KLRC1: variants seen among roughly 807,000 people sequenced by gnomAD.
KLRC1 encodes NKG2-A/NKG2-B type II integral membrane protein.
KLRC1 carries 22 observed loss-of-function variants against 25.9 expected under a neutral mutation model. The ratio of observed to expected loss-of-function variants is 0.85; its 90% confidence interval spans 0.61 to 1.21. KLRC1 has a LOEUF of 1.21. Among genes scored for constraint, KLRC1 ranks in the 50% most tolerant of loss-of-function variants. The pLI is 0.00. For synonymous variants in KLRC1, 77 were observed against 93.1 expected (o/e 0.83, Z 0.99); for missense variants, 240 against 272.2 (o/e 0.88, Z 0.83).
Position 10,446,542 on chromosome 12 carries a change from G to A in KLRC1, c.*9C>T, listed in dbSNP as rs372615172. On this transcript the variant is annotated 3_prime_UTR_variant, in exon 7 of 7. Coordinates refer to ENST00000359151, the MANE Select transcript of KLRC1 (RefSeq NM_002259.5). ...TATCTGATGCACTGCAAATGCAAACGCTTTACCTCTAAAGCTTATGCTTAC... is the reference window on the plus strand; with the variant it reads ...TATCTGATGCACTGCAAATGCAAACACTTTACCTCTAAAGCTTATGCTTAC... 119 of 1,608,930 alleles carry A rather than the reference G, an allele frequency of 7.4e-5. 1 individual carries two copies. Among genetic ancestry groups the A allele is most frequent in the Non-Finnish European group, 9.9e-5 (117 of 1,177,324 alleles).
At chr12:10,445,450 C>A (rs1282334164), downstream of KLRC1, among the ~76,000 whole-genome samples, 1 of 151,972 alleles carries the variant, frequency 6.6e-6, no homozygotes, top group Middle Eastern at 3.2e-3. Context: ...ATGAAAACAA[C>A]ACCAAGCTTT....
chr12:10,448,450 G>A (rs778758009), intron 5 of KLRC1, among the ~76,000 whole-genome samples: 1 of 152,276 alleles, frequency 6.6e-6, no homozygotes, highest in South Asian at 2.1e-4. Flanking sequence ...GATCTACCAG[G>A]AGACTTGCTA....
intron 6 of KLRC1, chr12:10,447,222 C>CT (rs970868982): frequency 9.5e-5 from 20 of 210,812 alleles, no homozygotes; most frequent in Admixed American, 2.1e-4. Flanking sequence ...TTTTTTTTTT[C>CT]TTTTTTTTGC....
intron 6 of KLRC1, chr12:10,447,159 G>A: frequency 5.1e-6 from 1 of 197,912 alleles, no homozygotes. Context: ...ACCCAGGACA[G>A]CTTCAAATGC....
At chr12:10,451,248 T>A in intron 1 of KLRC1, 61 bp from the exon 2 acceptor site, 1 of 974,658 alleles carries the variant, frequency 1.0e-6, no homozygotes, top group Admixed American at 3.4e-5. Flanking sequence ...CCTAGTGCAA[T>A]TAAAAGGGTG....
In KLRC1 at chr12:10,448,971, C is replaced by T. The variant is rs190697289; in HGVS notation, c.489+266G>A. Among the ~76,000 whole-genome samples the T allele has an allele frequency of 5.6e-3, 856 of 151,954 alleles. 8 individuals carry two copies. The highest frequency in any genetic ancestry group is 0.012 in the Admixed American group (187 of 15,254). ...CTGCATGACCAGATCACATCATGCC[C>T]GATAAAATTAGATAGCAAAATGTAT... On this transcript the variant is annotated intron_variant, in intron 5 of 6. Coordinates refer to ENST00000359151, the MANE Select transcript of KLRC1 (RefSeq NM_002259.5).
chr12:10,448,186 A>G (rs989825487), intron 5 of KLRC1, among the ~76,000 whole-genome samples: 1 of 152,206 alleles, frequency 6.6e-6, no homozygotes, highest in African/African-American at 2.4e-5. Context: ...TTAATGAAAG[A>G]CAAAAGCAAT....
rs139780190 is a variant in KLRC1, at chr12:10,449,305, C to G, written c.421G>C (p.Glu141Gln). The G allele has an allele frequency of 8.1e-6, 13 of 1,613,850 alleles. No homozygotes were observed. The highest frequency in any genetic ancestry group is 1.1e-5 in the Non-Finnish European group (13 of 1,179,848). The part of the protein sequence containing the change: ...YYIGKERRTW[E>Q]ESLLACTSKN... The stretch of plus-strand genomic sequence containing the variant: ...GAAGTACAGGCCAGCAAACTCTCTT[C>G]CCAAGTTCTTCTTTCCTTACCAATG... Residue 141 changes from glutamate (E) to glutamine (Q), a missense_variant, in exon 5 of 7, where the codon GAA becomes CAA. Coordinates refer to ENST00000359151, the MANE Select transcript of KLRC1 (RefSeq NM_002259.5).
intron 4 of KLRC1, 51 bp from the exon 5 acceptor site, chr12:10,449,439 G>C: frequency 6.3e-7 from 1 of 1,593,382 alleles, no homozygotes; most frequent in Non-Finnish European, 8.5e-7. Flanking sequence ...TTTTAAAAAT[G>C]AAAATTAGTT....
chr12:10,449,818 T>G, intron 4 of KLRC1, 96 bp downstream of exon 4: 2 of 1,042,500 alleles, frequency 1.9e-6, no homozygotes, highest in Non-Finnish European at 2.6e-6. Context: ...TATTGCCAAA[T>G]TTTATAATTT....
At chr12:10,448,884 C>T (rs1345476653) in intron 5 of KLRC1, among the ~76,000 whole-genome samples, 1 of 152,108 alleles carries the variant, frequency 6.6e-6, no homozygotes, top group Non-Finnish European at 1.5e-5. Flanking sequence ...ACTACTAGAG[C>T]TGGAAACTTT....
At chr12:10,453,850 T>C (rs3809215), upstream of KLRC1, among the ~76,000 whole-genome samples, 10,028 of 152,190 alleles carry the variant, frequency 0.066, 675 homozygotes, top group South Asian at 0.24. Flanking sequence ...TATTAACTTC[T>C]CTTAGTTCTT....
chr12:10,450,015 A>C, intron 3 of KLRC1, 48 bp from the exon 4 acceptor site: 2 of 1,267,312 alleles, frequency 1.6e-6, no homozygotes, highest in Non-Finnish European at 2.1e-6. Flanking sequence ...ATCTAAATCA[A>C]TCATAATAAT....
intron 1 of KLRC1, among the ~76,000 whole-genome samples, chr12:10,452,368 T>C (rs966942571): frequency 2.0e-5 from 3 of 152,168 alleles, no homozygotes; most frequent in African/African-American, 7.2e-5. Context: ...ATTTAGTCAA[T>C]GGGCTCTGGA....
At chr12:10,449,094 T>C in intron 5 of KLRC1, 143 bp downstream of exon 5, 1 of 1,107,100 alleles carries the variant, frequency 9.0e-7, no homozygotes, top group Non-Finnish European at 1.3e-6. Flanking sequence ...TTTAAAACAT[T>C]ATTAAGTCAA....
At chr12:10,450,906 A>T in intron 2 of KLRC1, 64 bp downstream of exon 2, 1 of 1,229,398 alleles carries the variant, frequency 8.1e-7, no homozygotes, top group Non-Finnish European at 1.1e-6. Context: ...CTCTTTCCCC[A>T]CATTCCTGTA....
Position 10,451,098 on chromosome 12 carries a change from T to C in KLRC1, c.59A>G (p.Gln20Arg), listed in dbSNP as rs1181951608. ...TTTATTGCCTTTAGGTTTTCGTTGC[T>C]GCCTCTTTGGGTTTGGGGGCAGATT... ...DLNLPPNPKRQQRKPKGNKNS... is the reference protein window; with the variant it reads ...DLNLPPNPKRRQRKPKGNKNS... Residue 20 changes from glutamine to arginine, a missense_variant, in exon 2 of 7, where the codon CAG (glutamine) becomes CGG (arginine). Gln to Arg is a conservative substitution (Grantham distance 43). Coordinates refer to ENST00000359151, the MANE Select transcript of KLRC1 (RefSeq NM_002259.5). 8 of 1,614,016 alleles carry C rather than the reference T, an allele frequency of 5.0e-6. No homozygotes were observed. The highest frequency in any genetic ancestry group is 6.8e-6 in the Non-Finnish European group (8 of 1,179,982).
downstream of KLRC1, among the ~76,000 whole-genome samples, chr12:10,444,065 C>A (rs1219517371): frequency 7.3e-6 from 1 of 136,422 alleles, no homozygotes; most frequent in Admixed American, 7.2e-5. Context: ...AATGAATGGT[C>A]ACAATTTTTA....
chr12:10,453,833 GTTATA>G (rs1864167263), upstream of KLRC1, among the ~76,000 whole-genome samples: 1 of 151,994 alleles, frequency 6.6e-6, no homozygotes. Flanking sequence ...CATTGCCAAA[GTTATA>G]TTATTAACTT....
Sources: allele counts gnomAD v4.1 joint callset (sites outside exome capture counted in the v4.1 genomes callset), GRCh38; gene constraint gnomAD v4.1.1; transcripts MANE v1.5; gene names NCBI Gene and HGNC (gene_info 2026-07-23, HGNC 2026-07-21).